Variants in SPATS2 observed in about 807,000 individuals in gnomAD.
SPATS2 encodes spermatogenesis associated serine rich 2.
In SPATS2, 38 loss-of-function variants were observed where a neutral mutation model predicts 63.7. The observed-to-expected ratio is 0.60, with a 90% CI of 0.46 to 0.78. SPATS2 has a LOEUF of 0.78. Among genes scored for constraint, SPATS2 ranks in the 30% least tolerant of loss-of-function variants. The probability of loss-of-function intolerance (pLI) is 0.00; values close to 1 mark genes in which losing one functional copy is unlikely to be tolerated. For missense variants in SPATS2, 588 were observed against 666.2 expected (o/e 0.88, Z 1.29); for synonymous variants, 207 against 232.9 (o/e 0.89, Z 1.01).
chr12:49,498,187 G>T (rs1323368331), intron 8 of SPATS2, among the ~76,000 whole-genome samples: 1 of 140,304 alleles, frequency 7.1e-6, no homozygotes, highest in Non-Finnish European at 1.5e-5. Flanking sequence ...AGGCTTGAAA[G>T]CTTTTAGGTG....
At chr12:49,510,262 TAA>T (rs766265197) in intron 9 of SPATS2, among the ~76,000 whole-genome samples, 18 of 127,070 alleles carry the variant, frequency 1.4e-4, no homozygotes, top group Admixed American at 2.4e-4. Context: ...GACCCTGTCT[TAA>T]AAAAAAAAAA....
chr12:49,437,634 C>T (rs1300258726), intron 2 of SPATS2, among the ~76,000 whole-genome samples: 1 of 152,214 alleles, frequency 6.6e-6, no homozygotes, highest in Non-Finnish European at 1.5e-5. Context: ...GGAGACCAGC[C>T]CGGCCAACAC....
chr12:49,386,195 C>T (rs1474046286), intron 2 of SPATS2, among the ~76,000 whole-genome samples: 3 of 146,408 alleles, frequency 2.0e-5, no homozygotes, highest in African/African-American at 2.6e-5. Flanking sequence ...GACAGAATCT[C>T]GCTCTGTCAC....
intron 2 of SPATS2, chr12:49,390,007 G>T: frequency 1.2e-6 from 1 of 860,876 alleles, no homozygotes; most frequent in Non-Finnish European, 2.0e-6. Context: ...CAAGGAACAA[G>T]AACTAATATT....
chr12:49,455,676 C>T (rs1592414695), intron 2 of SPATS2, among the ~76,000 whole-genome samples: 1 of 152,246 alleles, frequency 6.6e-6, no homozygotes, highest in East Asian at 1.9e-4. Flanking sequence ...GGCTGGCGTG[C>T]AGTGGCACAG....
chr12:49,435,475 G>A (rs974197534), intron 2 of SPATS2, among the ~76,000 whole-genome samples: 2 of 151,400 alleles, frequency 1.3e-5, no homozygotes, highest in African/African-American at 2.4e-5. Flanking sequence ...ACATGCACAC[G>A]CCAGTGCGCC....
At chr12:49,476,499 G>A (rs1311920403) in intron 3 of SPATS2, among the ~76,000 whole-genome samples, 1 of 147,132 alleles carries the variant, frequency 6.8e-6, no homozygotes, top group Non-Finnish European at 1.5e-5. Context: ...GATAAGACAG[G>A]GGTCTAATTG....
At chr12:49,460,149 A>C (rs1486446178) in intron 2 of SPATS2, among the ~76,000 whole-genome samples, 2 of 150,644 alleles carry the variant, frequency 1.3e-5, no homozygotes, top group Admixed American at 1.3e-4. Context: ...ATTCTAGAGG[A>C]AGAGAATAGA....
intron 2 of SPATS2, among the ~76,000 whole-genome samples, chr12:49,455,173 G>A (rs1322325973): frequency 2.0e-5 from 3 of 152,052 alleles, no homozygotes; most frequent in East Asian, 1.9e-4. Flanking sequence ...GTCAGTTAGC[G>A]ATTGGTTAAA....
rs964015121 is a variant in SPATS2 at position 49,370,682 on chromosome 12, C to T, written c.-306-546C>T. Among the ~76,000 whole-genome samples, 11 of 152,160 alleles carry T rather than the reference C, an allele frequency of 7.2e-5. No individual in the cohort carries two copies. The South Asian group carries it at 1.2e-3, about 17-fold the overall frequency. On this transcript the variant is annotated intron_variant, in intron 1 of 13. Transcript: ENST00000552918. ...TATTTATGTTTTAGAGACAGGATCT[C>T]GCTATGTTGCCCAGTCTGGCCTCAA... is the stretch of plus-strand genomic sequence containing the variant.
At chr12:49,460,646 C>A (rs1565733365) in intron 2 of SPATS2, 124 bp from the exon 3 acceptor site, 1 of 217,002 alleles carries the variant, frequency 4.6e-6, no homozygotes. Flanking sequence ...TACATTGTTT[C>A]TATAGTACTT....
At chr12:49,425,268 G>A (rs1945053792) in intron 2 of SPATS2, among the ~76,000 whole-genome samples, 1 of 152,068 alleles carries the variant, frequency 6.6e-6, no homozygotes, top group Non-Finnish European at 1.5e-5. Flanking sequence ...ATTTGTATTG[G>A]TTCAGTCTTC....
At chr12:49,422,895 G>A (rs1217306570) in intron 2 of SPATS2, among the ~76,000 whole-genome samples, 1 of 150,906 alleles carries the variant, frequency 6.6e-6, no homozygotes, top group Admixed American at 6.6e-5. Flanking sequence ...CTGGGAAACA[G>A]AACCAGACCC....
upstream of SPATS2, chr12:49,367,458 C>G (rs554499478): frequency 1.0e-4 from 40 of 400,416 alleles, no homozygotes; most frequent in South Asian, 5.0e-3. Flanking sequence ...GGGAGGAGCG[C>G]GGCGGCGACG....
At chr12:49,426,326 C>T (rs888984150) in intron 2 of SPATS2, among the ~76,000 whole-genome samples, 14 of 152,172 alleles carry the variant, frequency 9.2e-5, no homozygotes, top group Middle Eastern at 6.8e-3. Flanking sequence ...TAGAAGCCCT[C>T]CTGTGCTCTG....
intron 2 of SPATS2, among the ~76,000 whole-genome samples, chr12:49,423,741 C>T (rs183803226): frequency 9.9e-5 from 15 of 152,252 alleles, no homozygotes; most frequent in East Asian, 9.6e-4. Flanking sequence ...ACTGTCGTAC[C>T]CAAATTCACC....
intron 2 of SPATS2, among the ~76,000 whole-genome samples, chr12:49,439,086 C>G (rs1389783048): frequency 6.6e-6 from 1 of 152,150 alleles, no homozygotes; most frequent in Admixed American, 6.5e-5. Flanking sequence ...GAGAAGGAAT[C>G]TCTGAGGAGA....
chr12:49,404,289 A>AT (rs776854381), intron 2 of SPATS2, among the ~76,000 whole-genome samples: 7,658 of 124,550 alleles, frequency 0.061, 283 homozygotes, highest in Non-Finnish European at 0.086. Context: ...TTTTTTTTTC[A>AT]TTTTTTTTTT....
intron 1 of SPATS2, among the ~76,000 whole-genome samples, chr12:49,369,034 T>G (rs1321309944): frequency 1.4e-4 from 16 of 113,540 alleles, no homozygotes; most frequent in Admixed American, 8.5e-5. Flanking sequence ...GTGCCTCTTT[T>G]TTTTTTTTTT....
Sources: allele counts gnomAD v4.1 joint callset (sites outside exome capture counted in the v4.1 genomes callset), GRCh38; gene constraint gnomAD v4.1.1; transcripts MANE v1.5; gene names NCBI Gene and HGNC (gene_info 2026-07-23, HGNC 2026-07-21).